Variants in RAB44 observed in about 807,000 individuals in gnomAD.
RAB44 encodes RAB44, member RAS oncogene family.
A neutral mutation model predicts 93.3 loss-of-function variants in RAB44; 67 were observed. The ratio of observed to expected loss-of-function variants is 0.72; its 90% CI spans 0.59 to 0.88. The LOEUF is 0.88. RAB44 is among the 40% of genes least tolerant of loss of function. The pLI is 0.00. For synonymous variants in RAB44, 427 were observed against 520.3 expected (o/e 0.82, Z 2.44); for missense variants, 1,064 against 1,261.7 (o/e 0.84, Z 2.37).
At chr6:36,726,030 C>T in intron 10 of RAB44, 87 bp downstream of exon 10, 1 of 1,007,608 alleles carries the variant, frequency 9.9e-7, no homozygotes, top group Non-Finnish European at 1.5e-6. Context: ...ATAACACAGG[C>T]AGGAGGCAAC....
In RAB44 at chr6:36,730,584, T is replaced by C. The variant is rs373672787; in HGVS notation, c.2899-89T>C. 43 of 807,720 alleles carry C rather than the reference T, an allele frequency of 5.3e-5. 1 individual carries two copies. In the South Asian group the frequency reaches 2.5e-3, roughly 48 times the overall value. 50.0% of individuals were successfully genotyped at this position (807,720 alleles called of 1,614,324 possible). On this transcript the variant is annotated intron_variant, in intron 12 of 13. Transcript: ENST00000612677. ...TCAGCTTAGGGATGCATTGGGACTC[T>C]GATGGCCGGGACTTTAGTGGCGGGG...
rs1302315655 is a variant in RAB44 at position 36,720,439 on chromosome 6, A to G, written c.905A>G (p.Lys302Arg). Residue 302 changes from lysine (K) to arginine (R), a missense_variant, in exon 8 of 14, where the codon AAG becomes AGG. Lys to Arg is a conservative substitution (Grantham distance 26). Coordinates refer to ENST00000612677, the MANE Select transcript of RAB44 (RefSeq NM_001257357.2). ...ASENQQLQEA[K>R]RDLAGRLEEV... ...GAGAACCAGCAGCTGCAGGAGGCCA[A>G]GCGTGACCTGGCTGGGCGGCTGGAG... 8.1e-7 allele frequency: 1 copy of G among 1,232,708 alleles called. No individual in the cohort carries two copies. The highest frequency in any genetic ancestry group is 1.0e-6 in the Non-Finnish European group (1 of 988,350). The allele number at this position is 1,232,708 out of a possible 1,614,324, so 76.4% of individuals were successfully genotyped here.
intron 7 of RAB44, 136 bp downstream of exon 7, chr6:36,718,724 G>T: frequency 2.3e-6 from 1 of 427,846 alleles, no homozygotes; most frequent in Non-Finnish European, 3.9e-6. Context: ...TACTACATGT[G>T]AGGGCCTGAG....
In RAB44 at chr6:36,722,548, G is replaced by A. The variant is rs1763120693; in HGVS notation, c.2414G>A (p.Gly805Glu). The change falls in exon 9 of 14, where the codon GGA becomes GAA. Residue 805 changes from glycine to glutamate, a missense_variant. Gly to Glu is a moderately conservative substitution (Grantham distance 98). Transcript: ENST00000612677. ...GCAGAGAGCAGGCTTGAAGATCCAG[G>A]AATGGACTCCAGGGAAGCTGGGCTG... ...PRAESRLEDP[G>E]MDSREAGLTP... 1.3e-6 allele frequency: 2 copies of A among 1,545,650 alleles called. No individual in the cohort carries two copies. The highest frequency in any genetic ancestry group is 1.7e-6 in the Non-Finnish European group (2 of 1,144,192).
intron 11 of RAB44, 52 bp downstream of exon 11, chr6:36,727,743 C>A: frequency 9.2e-7 from 1 of 1,087,566 alleles, no homozygotes; most frequent in Non-Finnish European, 1.4e-6. Flanking sequence ...CAAGAGGGAT[C>A]TTATATCCTG....
At chr6:36,722,877 A>T in intron 9 of RAB44, 144 bp downstream of exon 9, 1 of 913,604 alleles carries the variant, frequency 1.1e-6, no homozygotes, top group Non-Finnish European at 1.6e-6. Flanking sequence ...ACATTGTTTT[A>T]TATGGGCATA....
At chr6:36,701,980 C>T (rs1369849228) in intron 1 of RAB44, among the ~76,000 whole-genome samples, 2 of 152,258 alleles carry the variant, frequency 1.3e-5, no homozygotes, top group African/African-American at 2.4e-5. Context: ...TAGCACTGTA[C>T]CGGCATTCAG....
intron 3 of RAB44, 46 bp downstream of exon 3, chr6:36,713,985 C>T (rs1458526964): frequency 1.6e-6 from 2 of 1,237,238 alleles, no homozygotes; most frequent in African/African-American, 1.5e-5. Context: ...GTGTTCCGTG[C>T]AGTGTGCCCT....
chr6:36,709,110 A>G (rs1762719752), intron 2 of RAB44, among the ~76,000 whole-genome samples: 1 of 150,126 alleles, frequency 6.7e-6, no homozygotes, highest in African/African-American at 2.4e-5. Flanking sequence ...ACCTCTGGCT[A>G]TTTTTTTTTA....
At chr6:36,716,469 C>CAAAAAA (rs567193522) in intron 4 of RAB44, among the ~76,000 whole-genome samples, 1 of 76,260 alleles carries the variant, frequency 1.3e-5, no homozygotes, top group Non-Finnish European at 2.8e-5. Context: ...GACTCTGTCT[C>CAAAAAA]AAAAAAAAAA....
At chr6:36,722,883 G>A (rs1267283286) in intron 9 of RAB44, 150 bp downstream of exon 9, 31 of 875,698 alleles carry the variant, frequency 3.5e-5, no homozygotes, top group Non-Finnish European at 5.1e-5. Flanking sequence ...TTTTATATGG[G>A]CATAACCTTA....
chr6:36,728,806 GC>G lies in RAB44; in HGVS notation c.2898+6del. On this transcript the variant is annotated splice_donor_region_variant and intron_variant, in intron 12 of 13. Coordinates refer to ENST00000612677, the MANE Select transcript of RAB44 (RefSeq NM_001257357.2). ...GCTGGGCAGCAACTGGCCCAGGTAA[GC>G]ACTTGGGCATCAGCCCGTCTCTGTG... 6.5e-7 allele frequency: 1 copy of G among 1,548,408 alleles called. No homozygotes were observed. The highest frequency in any genetic ancestry group is 8.7e-7 in the Non-Finnish European group (1 of 1,145,018).
chr6:36,728,667 G>T lies in RAB44; in HGVS notation c.2797-33G>T, dbSNP rs747484859. On this transcript the variant is annotated intron_variant, in intron 11 of 13. Transcript: ENST00000612677. Reference sequence around the variant, plus strand: ...ATGTGCCAGGAGCCTGGCACACAGTGGGTGTGGCTGACAGAACATGTTCTG... The same window carrying T: ...ATGTGCCAGGAGCCTGGCACACAGTTGGTGTGGCTGACAGAACATGTTCTG... 1.2e-5 allele frequency: 19 copies of T among 1,525,912 alleles called. No homozygotes were observed. The South Asian group carries it at 1.7e-4, about 13-fold the overall frequency. 94.5% of individuals were successfully genotyped at this position (1,525,912 alleles called of 1,614,324 possible). A position where few individuals can be genotyped will look rare whatever the true frequency, so the allele number is the denominator to read the frequency against.
chr6:36,729,569 G>A (rs1763314577), intron 12 of RAB44, among the ~76,000 whole-genome samples: 2 of 149,092 alleles, frequency 1.3e-5, no homozygotes, highest in Admixed American at 6.8e-5. Context: ...TGCAACCTCC[G>A]ACTCCCGGGT....
At chr6:36,701,742 G>A (rs58109844) in intron 1 of RAB44, among the ~76,000 whole-genome samples, 17,045 of 152,110 alleles carry the variant, frequency 0.11, 1,131 homozygotes, top group African/African-American at 0.18. Flanking sequence ...ACCCCTAGGG[G>A]AGAACAGGAG....
chr6:36,726,015 C>T (rs767580285), intron 10 of RAB44, 72 bp downstream of exon 10: 32 of 1,216,188 alleles, frequency 2.6e-5, no homozygotes, highest in Non-Finnish European at 8.3e-6. Flanking sequence ...CAGGGAGCAG[C>T]CCTAATAACA....
At position 36,721,776 on chromosome 6, in the gene RAB44, G is replaced by A. The variant is rs1582636617; in HGVS notation, c.1642G>A (p.Gly548Arg). 1 of 1,234,564 alleles carries A rather than the reference G, an allele frequency of 8.1e-7. No homozygotes were observed. Among genetic ancestry groups the A allele is most frequent in the Non-Finnish European group, 1.0e-6 (1 of 988,388 alleles). The allele number at this position is 1,234,564 out of a possible 1,614,324, so 76.5% of individuals were successfully genotyped here. ...PSGAQPGAGA[G>R]PQEPTQTPPT... The stretch of plus-strand genomic sequence containing the variant: ...CGGGGCTCAGCCTGGGGCTGGAGCA[G>A]GACCCCAGGAACCCACACAAACCCC... Residue 548 changes from glycine (G) to arginine (R), a missense_variant, in exon 9 of 14, where the codon GGA becomes AGA. Coordinates refer to ENST00000612677, the MANE Select transcript of RAB44 (RefSeq NM_001257357.2).
intron 2 of RAB44, among the ~76,000 whole-genome samples, chr6:36,709,198 G>T (rs536695848): frequency 6.6e-6 from 1 of 151,960 alleles, no homozygotes; most frequent in Non-Finnish European, 1.5e-5. Flanking sequence ...TGATCCACCC[G>T]CCTCGGCCTC....
chr6:36,720,350 C>A lies in RAB44; in HGVS notation c.829-13C>A. 2 of 1,232,362 alleles carry A rather than the reference C, an allele frequency of 1.6e-6. No individual in the cohort carries two copies. The highest frequency in any genetic ancestry group is 1.0e-6 in the Non-Finnish European group (1 of 988,114). 76.3% of individuals were successfully genotyped at this position (1,232,362 alleles called of 1,614,324 possible). A position where few individuals can be genotyped will look rare whatever the true frequency, so the allele number is the denominator to read the frequency against. ...CATCTGGGCTTCTCTCCGCCTCACC[C>A]TCCACCCTGCAGCTGGAGGCCCAGC... On this transcript the variant is annotated splice_polypyrimidine_tract_variant and intron_variant, in intron 7 of 13. Coordinates refer to ENST00000612677, the MANE Select transcript of RAB44 (RefSeq NM_001257357.2).
Sources: allele counts gnomAD v4.1 joint callset (sites outside exome capture counted in the v4.1 genomes callset), GRCh38; gene constraint gnomAD v4.1.1; transcripts MANE v1.5; gene names NCBI Gene and HGNC (gene_info 2026-07-23, HGNC 2026-07-21).